NEGR1: variants seen among roughly 807,000 people sequenced by gnomAD.
NEGR1 encodes IgLON family member 4.
In NEGR1, 10 loss-of-function variants were observed where a neutral mutation model predicts 40.9. That is an observed-to-expected ratio of 0.24 (90% CI 0.15 to 0.42). The LOEUF is 0.42. Ranked by LOEUF, NEGR1 falls within the 10% of genes least tolerant of loss-of-function variation. The probability of loss-of-function intolerance (pLI) is 1.00; values close to 1 mark genes in which losing one functional copy is unlikely to be tolerated. For missense variants in NEGR1, 352 were observed against 438.9 expected, an observed-to-expected ratio of 0.80 and a Z score of 1.77; for synonymous variants, 185 against 166.8, an observed-to-expected ratio of 1.11 and a Z score of -0.84.
chr1:71,699,163 A>C (rs1454848924), intron 3 of NEGR1, among the ~76,000 whole-genome samples: 1 of 151,954 alleles, frequency 6.6e-6, no homozygotes, highest in African/African-American at 2.4e-5. Context: ...CTATCTTGTC[A>C]AAACCACTGT....
intron 6 of NEGR1, among the ~76,000 whole-genome samples, chr1:71,549,483 C>T (rs1020970149): frequency 4.0e-5 from 6 of 151,686 alleles, no homozygotes; most frequent in African/African-American, 1.2e-4. Context: ...CTAAAATCTT[C>T]CCAAGTGCCT....
chr1:71,563,031 T>C (rs1426396566), intron 6 of NEGR1, among the ~76,000 whole-genome samples: 1 of 151,980 alleles, frequency 6.6e-6, no homozygotes, highest in Non-Finnish European at 1.5e-5. Context: ...AAGAAGGCCT[T>C]GCACATTATC....
At chr1:71,970,423 G>C (rs774152771) in intron 1 of NEGR1, among the ~76,000 whole-genome samples, 3 of 152,138 alleles carry the variant, frequency 2.0e-5, no homozygotes, top group Admixed American at 6.5e-5. Flanking sequence ...GGGACTAGGG[G>C]CTCACACCTG....
At chr1:71,620,618 G>C (rs966135313) in intron 4 of NEGR1, among the ~76,000 whole-genome samples, 3 of 151,772 alleles carry the variant, frequency 2.0e-5, no homozygotes, top group African/African-American at 7.3e-5. Context: ...TTCGCCTAAT[G>C]AATTAATTTC....
At chr1:72,021,802 T>A (rs988880585) in intron 1 of NEGR1, among the ~76,000 whole-genome samples, 1 of 152,164 alleles carries the variant, frequency 6.6e-6, no homozygotes, top group African/African-American at 2.4e-5. Flanking sequence ...TATAAGTCAC[T>A]TGGCGAATTG....
At chr1:71,466,189 C>A (rs752897576) in intron 6 of NEGR1, among the ~76,000 whole-genome samples, 23 of 152,014 alleles carry the variant, frequency 1.5e-4, no homozygotes, top group Non-Finnish European at 3.1e-4. Flanking sequence ...GTGCCTGGCA[C>A]ACATTATGTA....
chr1:72,075,336 G>T (rs958072159), intron 1 of NEGR1, among the ~76,000 whole-genome samples: 1 of 152,078 alleles, frequency 6.6e-6, no homozygotes, highest in African/African-American at 2.4e-5. Flanking sequence ...CAGAAAACAG[G>T]CAAGTCAGTC....
intron 1 of NEGR1, among the ~76,000 whole-genome samples, chr1:72,124,172 G>A (rs991684708): frequency 6.6e-6 from 1 of 151,980 alleles, no homozygotes; most frequent in Non-Finnish European, 1.5e-5. Flanking sequence ...GAAAATAAGA[G>A]TATTTCCAAG....
chr1:71,958,309 G>T (rs1003151996), intron 1 of NEGR1, among the ~76,000 whole-genome samples: 1 of 152,036 alleles, frequency 6.6e-6, no homozygotes, highest in African/African-American at 2.4e-5. Flanking sequence ...GGAGTGAACA[G>T]ATTTCAAAAT....
At chr1:71,895,058 C>T (rs1248358625) in intron 2 of NEGR1, among the ~76,000 whole-genome samples, 1 of 152,136 alleles carries the variant, frequency 6.6e-6, no homozygotes, top group African/African-American at 2.4e-5. Flanking sequence ...TTGTTAACTA[C>T]CATGTGTCCT....
At chr1:71,645,277 G>A (rs1365660646) in intron 4 of NEGR1, among the ~76,000 whole-genome samples, 1 of 151,954 alleles carries the variant, frequency 6.6e-6, no homozygotes, top group Non-Finnish European at 1.5e-5. Context: ...AGTATGCATA[G>A]TACTCACTGA....
rs143295320 is a variant in NEGR1 at position 71,880,722 on chromosome 1, C to T, written c.409+54357G>A. Among the ~76,000 whole-genome samples the T allele has an allele frequency of 3.5e-4, 53 of 152,042 alleles. 1 individual carries two copies. The East Asian group carries it at 0.01, about 29-fold the overall frequency. On this transcript the variant is annotated intron_variant, in intron 2 of 6. Coordinates refer to ENST00000357731, the MANE Select transcript of NEGR1 (RefSeq NM_173808.3). ...TTCAATTCTGACTGTATGCATATTT[C>T]TCTTTCTACCCATAAATGCCACTCC...
In NEGR1 at chr1:72,214,944, G is replaced by A. The variant is rs1376914619; in HGVS notation, c.176+67375C>T. ...CTAAGCAAAAAGAACAAAACTGGAG[G>A]CATCATGCTACCTGAATTCAAACTA... On this transcript the variant is annotated intron_variant, in intron 1 of 6. Coordinates refer to ENST00000357731, the MANE Select transcript of NEGR1 (RefSeq NM_173808.3). Among the ~76,000 whole-genome samples the A allele has an allele frequency of 3.3e-5, 5 of 151,866 alleles. No individual in the cohort carries two copies. The East Asian group carries it at 5.8e-4, about 18-fold the overall frequency.
chr1:72,143,376 AAGAC>A (rs1483836192), intron 1 of NEGR1, among the ~76,000 whole-genome samples: 1 of 151,886 alleles, frequency 6.6e-6, no homozygotes, highest in African/African-American at 2.4e-5. Context: ...TTCACAAATC[AAGAC>A]AGTCATGATG....
At chr1:71,932,202 T>C (rs1168873662) in intron 2 of NEGR1, among the ~76,000 whole-genome samples, 4 of 152,130 alleles carry the variant, frequency 2.6e-5, no homozygotes, top group Admixed American at 1.3e-4. Flanking sequence ...TCAATAAAAG[T>C]TATAAAATAT....
At chr1:72,189,360 CT>C (rs1360001236) in intron 1 of NEGR1, among the ~76,000 whole-genome samples, 1 of 151,446 alleles carries the variant, frequency 6.6e-6, no homozygotes, top group Non-Finnish European at 1.5e-5. Flanking sequence ...TCATATTAAT[CT>C]TATACTCTTT....
chr1:72,277,418 A>G (rs908291591), intron 1 of NEGR1, among the ~76,000 whole-genome samples: 20 of 152,206 alleles, frequency 1.3e-4, no homozygotes, highest in African/African-American at 4.8e-4. Flanking sequence ...CAAGTAGTGC[A>G]TTAACACGCT....
intron 1 of NEGR1, among the ~76,000 whole-genome samples, chr1:72,066,437 AC>A (rs1647274157): frequency 6.6e-6 from 1 of 152,210 alleles, no homozygotes; most frequent in Non-Finnish European, 1.5e-5. Context: ...TTTTATAGTA[AC>A]AAGAGAAATA....
At chr1:71,926,877 A>G (rs147536536) in intron 2 of NEGR1, among the ~76,000 whole-genome samples, 2,723 of 152,282 alleles carry the variant, frequency 0.018, 31 homozygotes, top group Admixed American at 0.036. Context: ...TATGATCTAT[A>G]TATTTACATA....
Sources: allele counts gnomAD v4.1 joint callset (sites outside exome capture counted in the v4.1 genomes callset), GRCh38; gene constraint gnomAD v4.1.1; transcripts MANE v1.5; gene names NCBI Gene and HGNC (gene_info 2026-07-23, HGNC 2026-07-21).